SMOC2: variants seen among roughly 807,000 people sequenced by gnomAD.
The protein encoded by SMOC2 is SPARC-related modular calcium-binding protein 2.
Under a neutral mutation model 61.4 loss-of-function variants are expected in SMOC2, and 39 were observed. That is an observed-to-expected ratio of 0.64 (90% CI 0.49 to 0.83). The LOEUF is 0.83. Among genes scored for constraint, SMOC2 ranks in the 40% least tolerant of loss-of-function variants. The pLI is 0.00. For synonymous variants in SMOC2, 247 were observed against 239.9 expected, an observed-to-expected ratio of 1.03 and a Z score of -0.27; for missense variants, 556 against 592.9, an observed-to-expected ratio of 0.94 and a Z score of 0.65.
chr6:168,595,333 A>T (rs1459470650), intron 7 of SMOC2, among the ~76,000 whole-genome samples: 4 of 152,154 alleles, frequency 2.6e-5, no homozygotes, highest in African/African-American at 9.7e-5. Flanking sequence ...CCAAGACGGA[A>T]ATCTCCCGTG....
intron 1 of SMOC2, among the ~76,000 whole-genome samples, chr6:168,503,258 A>G (rs1390116099): frequency 1.3e-5 from 2 of 149,290 alleles, no homozygotes; most frequent in African/African-American, 2.5e-5. Context: ...TGGTATTTTT[A>G]GTAGAGACGG....
At chr6:168,632,092 A>C (rs1364438268) in intron 9 of SMOC2, among the ~76,000 whole-genome samples, 1 of 152,246 alleles carries the variant, frequency 6.6e-6, no homozygotes, top group Non-Finnish European at 1.5e-5. Flanking sequence ...ATAAAATTGC[A>C]TAATAATTCC....
intron 1 of SMOC2, among the ~76,000 whole-genome samples, chr6:168,445,684 T>G (rs1276412694): frequency 2.0e-5 from 3 of 152,186 alleles, no homozygotes; most frequent in African/African-American, 4.8e-5. Flanking sequence ...CTGGGAGGGC[T>G]TCTACTGCAT....
chr6:168,600,785 G>T (rs1177204516), intron 8 of SMOC2, among the ~76,000 whole-genome samples: 1 of 152,222 alleles, frequency 6.6e-6, no homozygotes, highest in African/African-American at 2.4e-5. Context: ...AAAAAGTGAG[G>T]CTGTGCTAAA....
At chr6:168,539,496 G>T (rs936854966) in intron 4 of SMOC2, among the ~76,000 whole-genome samples, 2 of 152,204 alleles carry the variant, frequency 1.3e-5, no homozygotes, top group African/African-American at 4.8e-5. Flanking sequence ...TCGTGGATCT[G>T]ATGCCAACCA....
rs3064057 is a variant in SMOC2, at chr6:168,530,637, A to ACCCCCCCCCCCCCC, written c.463+2923_463+2924insCCCCCCCCCCCCCC. On this transcript the variant is annotated intron_variant, in intron 4 of 12. Coordinates refer to ENST00000356284, the MANE Select transcript of SMOC2 (RefSeq NM_001166412.2). Reference sequence around the variant, plus strand: ...AAATGCAAATTAAAGTCACGGTGCAACCCCCCCCCCCCCGCCCCCACACCC... The same window carrying ACCCCCCCCCCCCCC: ...AAATGCAAATTAAAGTCACGGTGCAACCCCCCCCCCCCCCCCCCCCCCCCCCCGCCCCCACACCC... Among the ~76,000 whole-genome samples, 60 of 120,258 alleles carry ACCCCCCCCCCCCCC rather than the reference A, an allele frequency of 5.0e-4. 2 individuals carry two copies. Among genetic ancestry groups the ACCCCCCCCCCCCCC allele is most frequent in the African/African-American group, 1.7e-3 (41 of 24,504 alleles). The allele number at this position is 120,258 out of a possible 152,430, so 78.9% of individuals were successfully genotyped here. A position where few individuals can be genotyped will look rare whatever the true frequency, so the allele number is the denominator to read the frequency against.
chr6:168,589,167 A>G (rs1010945704), intron 7 of SMOC2, among the ~76,000 whole-genome samples: 1 of 152,070 alleles, frequency 6.6e-6, no homozygotes, highest in African/African-American at 2.4e-5. Context: ...GAATTATGTC[A>G]TTATGATGTT....
chr6:168,630,722 A>T (rs1490085467), intron 9 of SMOC2, among the ~76,000 whole-genome samples: 1 of 152,198 alleles, frequency 6.6e-6, no homozygotes, highest in Non-Finnish European at 1.5e-5. Context: ...TCTTTTTCTC[A>T]GCATGGAACA....
chr6:168,527,669 G>T lies in SMOC2; in HGVS notation c.405G>T (p.Thr135=). Residue 135 remains threonine, a synonymous_variant, in exon 4 of 13, where the codon ACG becomes ACT. Transcript: ENST00000356284. ...ACACGGGATACTGCTGGTGCGTCACGCCCAACGGGAGGCCCATCAGCGGCA... is the reference window on the plus strand; with the variant it reads ...ACACGGGATACTGCTGGTGCGTCACTCCCAACGGGAGGCCCATCAGCGGCA... ...HSYTGYCWCV[T]PNGRPISGTA... The T allele has an allele frequency of 6.4e-7, 1 of 1,552,566 alleles. No individual in the cohort carries two copies. The highest frequency in any genetic ancestry group is 8.7e-7 in the Non-Finnish European group (1 of 1,147,714).
intron 1 of SMOC2, among the ~76,000 whole-genome samples, chr6:168,476,869 C>T (rs2609319): frequency 0.22 from 33,236 of 151,174 alleles, 3,994 homozygotes; most frequent in Non-Finnish European, 0.23. Context: ...ATAGAATTAG[C>T]GTTTCTGCAT....
Position 168,592,241 on chromosome 6 carries a change from G to A in SMOC2, c.638-6577G>A, listed in dbSNP as rs551672542. The stretch of plus-strand genomic sequence containing the variant: ...TTTCACTCAGTTCTCTTTTTCCTGC[G>A]CCCTTCATGCTTCCTAAGGCCTCAC... On this transcript the variant is annotated intron_variant, in intron 7 of 12. Coordinates refer to ENST00000356284, the MANE Select transcript of SMOC2 (RefSeq NM_001166412.2). Among the ~76,000 whole-genome samples, 211 of 152,254 alleles carry A rather than the reference G, an allele frequency of 1.4e-3. 13 individuals are homozygous for A. The highest frequency in any genetic ancestry group is 9.4e-4 in the Non-Finnish European group (64 of 68,030).
intron 7 of SMOC2, among the ~76,000 whole-genome samples, chr6:168,594,832 G>A (rs62422504): frequency 2.7e-3 from 92 of 34,068 alleles, no homozygotes; most frequent in South Asian, 0.016. Flanking sequence ...GAGGCCTCAC[G>A]AGGGGCATCT....
intron 11 of SMOC2, among the ~76,000 whole-genome samples, chr6:168,653,627 CAAAT>C: frequency 1.5e-5 from 2 of 135,668 alleles, no homozygotes; most frequent in African/African-American, 5.6e-5. Flanking sequence ...GAGCTCCAAC[CAAAT>C]GTTAGGAACT....
At chr6:168,591,231 T>C (rs1316084400) in intron 7 of SMOC2, among the ~76,000 whole-genome samples, 2 of 152,162 alleles carry the variant, frequency 1.3e-5, no homozygotes, top group Non-Finnish European at 2.9e-5. Context: ...GGGAGTGTGT[T>C]CAGGAAGGGG....
intron 1 of SMOC2, among the ~76,000 whole-genome samples, chr6:168,476,893 G>C (rs1214870326): frequency 6.6e-6 from 1 of 150,936 alleles, no homozygotes; most frequent in Non-Finnish European, 1.5e-5. Context: ...TGAAACATTT[G>C]GAACTGCTTG....
At chr6:168,621,594 A>G (rs965513337) in intron 9 of SMOC2, among the ~76,000 whole-genome samples, 3 of 152,236 alleles carry the variant, frequency 2.0e-5, no homozygotes, top group Admixed American at 6.5e-5. Context: ...ACAGTTCCAC[A>G]TGGCTGGGGA....
rs1299156312 is a variant in SMOC2 at position 168,666,862 on chromosome 6, T to C, written c.*424T>C. 6.0e-6 allele frequency: 1 copy of C among 166,816 alleles called. No individual in the cohort carries two copies. The highest frequency in any genetic ancestry group is 1.3e-5 in the Non-Finnish European group (1 of 77,584). 10.3% of individuals were successfully genotyped at this position (166,816 alleles called of 1,614,324 possible). On this transcript the variant is annotated 3_prime_UTR_variant, in exon 13 of 13. Coordinates refer to ENST00000356284, the MANE Select transcript of SMOC2 (RefSeq NM_001166412.2). ...AGCTCCACATGTCCATGGAAGTTTG[T>C]GATGTACGGCCGACCCTACAGGCAG...
rs559990266 is a variant in SMOC2 at position 168,611,877 on chromosome 6, G to A, written c.907+3638G>A. ...GCTTCCTCAGGATGCCCAGGCGGCCGGCCACTCACATGCACCTGTCCAGCT... is the reference window on the plus strand; with the variant it reads ...GCTTCCTCAGGATGCCCAGGCGGCCAGCCACTCACATGCACCTGTCCAGCT... On this transcript the variant is annotated intron_variant, in intron 9 of 12. Coordinates refer to ENST00000356284, the MANE Select transcript of SMOC2 (RefSeq NM_001166412.2). 1.1e-4 allele frequency among the ~76,000 whole-genome samples: 17 copies of A among 152,236 alleles called. No individual in the cohort carries two copies. The South Asian group carries it at 2.3e-3, about 20-fold the overall frequency.
At chr6:168,627,171 G>C (rs1307989220) in intron 9 of SMOC2, among the ~76,000 whole-genome samples, 2 of 152,164 alleles carry the variant, frequency 1.3e-5, no homozygotes, top group Non-Finnish European at 2.9e-5. Context: ...GGTTAGCCGT[G>C]AGCTGAGTGT....
Sources: gnomAD v4.1 joint callset for allele counts (sites outside exome capture counted in the v4.1 genomes callset) on GRCh38, gnomAD v4.1.1 for gene constraint, MANE v1.5 for transcripts, NCBI Gene and HGNC (gene_info 2026-07-23, HGNC 2026-07-21) for gene names.